PXDNL: variants seen among roughly 807,000 people sequenced by gnomAD.
The protein encoded by PXDNL is probable oxidoreductase PXDNL.
A neutral mutation model predicts 150.8 loss-of-function variants in PXDNL; 145 were observed. The ratio of observed to expected loss-of-function variants is 0.96; its 90% CI spans 0.84 to 1.10. PXDNL has a LOEUF of 1.10. Ranked by LOEUF, PXDNL falls within the 50% of genes least tolerant of loss-of-function variation. The pLI is 0.00. For synonymous variants in PXDNL, 757 were observed against 725.7 expected (o/e 1.04, Z -0.69); for missense variants, 2,087 against 1,873.9 (o/e 1.11, Z -2.10).
intron 3 of PXDNL, among the ~76,000 whole-genome samples, chr8:51,581,493 C>CTAAATAAATAAATAAA (rs549807763): frequency 0.014 from 2,051 of 143,840 alleles, 15 homozygotes; most frequent in African/African-American, 0.021. Context: ...GACCCTGTCT[C>CTAAATAAATAAATAAA]TAAATAAATA....
rs1810748375 is a variant in PXDNL, at chr8:51,486,753, TATATATATATATATATATATA to T, written c.453-3060_453-3040del. 1.0e-3 allele frequency among the ~76,000 whole-genome samples: 22 copies of T among 21,810 alleles called. 1 individual carries two copies. Among genetic ancestry groups the T allele is most frequent in the South Asian group, 5.5e-3 (3 of 544 alleles). The allele number at this position is 21,810 out of a possible 152,430, so 14.3% of individuals were successfully genotyped here. A position where few individuals can be genotyped will look rare whatever the true frequency, so the allele number is the denominator to read the frequency against. ...ACTTCTTCCTATGTTAAAAAGTTTA[TATATATATATATATATATATA>T]TATATATATATATATATATATTTTT... On this transcript the variant is annotated intron_variant, in intron 5 of 22. Transcript: ENST00000356297.
At chr8:51,464,274 T>C (rs1810153647) in intron 8 of PXDNL, among the ~76,000 whole-genome samples, 1 of 102,724 alleles carries the variant, frequency 9.7e-6, no homozygotes, top group Non-Finnish European at 2.1e-5. Context: ...TGAGGTGGAA[T>C]GATTGTTTGA....
chr8:51,599,082 T>A (rs1390869949), intron 2 of PXDNL, among the ~76,000 whole-genome samples: 1 of 152,166 alleles, frequency 6.6e-6, no homozygotes, highest in East Asian at 1.9e-4. Flanking sequence ...GGTTGTAATA[T>A]CTCCTTTGTT....
At chr8:51,560,541 G>T (rs1185979739) in intron 3 of PXDNL, among the ~76,000 whole-genome samples, 1 of 151,834 alleles carries the variant, frequency 6.6e-6, no homozygotes, top group African/African-American at 2.4e-5. Context: ...AGAGTACCAA[G>T]AATACACAAT....
At chr8:51,650,164 A>G (rs1039424686) in intron 2 of PXDNL, among the ~76,000 whole-genome samples, 1 of 151,588 alleles carries the variant, frequency 6.6e-6, no homozygotes, top group Admixed American at 6.6e-5. Flanking sequence ...GGAGTACTGT[A>G]TCTTAAATGC....
chr8:51,603,048 T>C (rs1428292495), intron 2 of PXDNL, among the ~76,000 whole-genome samples: 1 of 151,814 alleles, frequency 6.6e-6, no homozygotes, highest in Non-Finnish European at 1.5e-5. Context: ...ATCATTACTA[T>C]TGATTGATAT....
intron 19 of PXDNL, among the ~76,000 whole-genome samples, chr8:51,368,276 T>C (rs1806980359): frequency 6.6e-6 from 1 of 152,220 alleles, no homozygotes; most frequent in East Asian, 1.9e-4. Flanking sequence ...GCCTTACAGC[T>C]AAGTGACAGA....
intron 4 of PXDNL, among the ~76,000 whole-genome samples, chr8:51,545,576 C>T (rs1812341472): frequency 6.6e-6 from 1 of 152,088 alleles, no homozygotes; most frequent in Non-Finnish European, 1.5e-5. Context: ...GCCAATCATC[C>T]CCTCAATCCC....
At chr8:51,608,753 C>G (rs1432418890) in intron 2 of PXDNL, among the ~76,000 whole-genome samples, 1 of 140,676 alleles carries the variant, frequency 7.1e-6, no homozygotes. Context: ...AGGAGAATGG[C>G]GTGAACCCGG....
At chr8:51,676,027 T>C (rs548693631) in intron 1 of PXDNL, among the ~76,000 whole-genome samples, 1 of 152,316 alleles carries the variant, frequency 6.6e-6, no homozygotes, top group South Asian at 2.1e-4. Flanking sequence ...AGCAAGTTAC[T>C]AACAGCTCTA....
intron 4 of PXDNL, among the ~76,000 whole-genome samples, chr8:51,545,084 G>A (rs1812327777): frequency 6.6e-6 from 1 of 152,136 alleles, no homozygotes; most frequent in Non-Finnish European, 1.5e-5. Flanking sequence ...CATGGAATCA[G>A]TTTTAAAATA....
At chr8:51,407,406 A>G (rs1808467114) in intron 17 of PXDNL, among the ~76,000 whole-genome samples, 1 of 152,220 alleles carries the variant, frequency 6.6e-6, no homozygotes, top group Admixed American at 6.5e-5. Flanking sequence ...CCTATATTTA[A>G]CCTACTACAG....
chr8:51,566,048 A>C (rs1047455036), intron 3 of PXDNL, among the ~76,000 whole-genome samples: 1 of 151,874 alleles, frequency 6.6e-6, no homozygotes, highest in Non-Finnish European at 1.5e-5. Context: ...CATTTTATGC[A>C]TCTTCTGATA....
intron 19 of PXDNL, among the ~76,000 whole-genome samples, chr8:51,352,921 A>G (rs570077957): frequency 6.6e-6 from 1 of 152,146 alleles, no homozygotes; most frequent in African/African-American, 2.4e-5. Flanking sequence ...GGATAGACAG[A>G]GTGGAATAAC....
chr8:51,578,011 A>AAAG (rs1813119077), intron 3 of PXDNL, among the ~76,000 whole-genome samples: 10 of 100,702 alleles, frequency 9.9e-5, no homozygotes, highest in Non-Finnish European at 1.5e-4. Flanking sequence ...GGAAGGAAGG[A>AAAG]AGGAAGGAAG....
intron 3 of PXDNL, among the ~76,000 whole-genome samples, chr8:51,573,781 A>AC (rs1812994077): frequency 6.6e-6 from 1 of 151,978 alleles, no homozygotes; most frequent in Non-Finnish European, 1.5e-5. Context: ...CAAAGTCTTT[A>AC]CCCCCAGTAC....
At chr8:51,704,235 T>C (rs1269770029) in intron 1 of PXDNL, among the ~76,000 whole-genome samples, 4 of 152,268 alleles carry the variant, frequency 2.6e-5, no homozygotes, top group Non-Finnish European at 4.4e-5. Context: ...CTATATAATG[T>C]GGGATCATAT....
rs780879941 is a variant in PXDNL, at chr8:51,481,936, G to A, written c.524+1707C>T. Among the ~76,000 whole-genome samples the A allele has an allele frequency of 3.9e-5, 6 of 152,232 alleles. No individual in the cohort carries two copies. The South Asian group carries it at 6.2e-4, about 16-fold the overall frequency. The stretch of plus-strand genomic sequence containing the variant: ...TGGAGAACCTCTGCCAGGGCAGTGT[G>A]GAAGGGAAATGTGGGGTTGGAGCCC... On this transcript the variant is annotated intron_variant, in intron 6 of 22. Transcript: ENST00000356297.
intron 1 of PXDNL, among the ~76,000 whole-genome samples, chr8:51,689,203 G>A (rs951228441): frequency 6.6e-6 from 1 of 152,212 alleles, no homozygotes; most frequent in Non-Finnish European, 1.5e-5. Context: ...ATTGAAGTGT[G>A]GGAGCTGCTC....
Sources: gnomAD v4.1 joint callset for allele counts (sites outside exome capture counted in the v4.1 genomes callset) on GRCh38, gnomAD v4.1.1 for gene constraint, MANE v1.5 for transcripts, NCBI Gene and HGNC (gene_info 2026-07-23, HGNC 2026-07-21) for gene names.